BTG4: variants seen among roughly 807,000 people sequenced by gnomAD.
BTG4 encodes protein BTG4.
Under a neutral mutation model 19.3 loss-of-function variants are expected in BTG4, and 10 were observed. The ratio of observed to expected loss-of-function variants is 0.52; its 90% confidence interval spans 0.32 to 0.88. The LOEUF is 0.88. BTG4 is among the 40% of genes least tolerant of loss of function. The pLI is 0.04. For synonymous variants in BTG4, 91 were observed against 95.7 expected (o/e 0.95, Z 0.29); for missense variants, 238 against 281.9 (o/e 0.84, Z 1.11).
At chr11:111,396,995 T>G in the BTG4 span, 11 of 152,316 alleles carry the variant, frequency 7.2e-5, no homozygotes, top group African/African-American at 2.6e-4. Context: ...ATATAAACTC[T>G]GAAGAGAGCT....
chr11:111,419,303 G>A, the BTG4 span, among the ~76,000 whole-genome samples: 1 of 152,176 alleles, frequency 6.6e-6, no homozygotes, highest in Non-Finnish European at 1.5e-5. Flanking sequence ...ATCAGTTCAG[G>A]AACCAAGAAT....
chr11:111,456,442 G>C, the BTG4 span: 338 of 446,270 alleles, frequency 7.6e-4, 1 homozygote, highest in East Asian at 0.011. The surrounding 1 kb of genome is among the most constrained non-coding windows in gnomAD (Gnocchi z 4.2). Context: ...ACCAGCCAAG[G>C]GAGTCCCCGC....
chr11:111,511,086 T>C (rs1361377222), intron 1 of BTG4, among the ~76,000 whole-genome samples: 1 of 152,226 alleles, frequency 6.6e-6, no homozygotes. Context: ...TGAATGTGAG[T>C]CATTTATGTA....
chr11:111,481,597 A>T (rs908387617), intron 5 of BTG4, among the ~76,000 whole-genome samples: 1 of 151,964 alleles, frequency 6.6e-6, no homozygotes, highest in African/African-American at 2.4e-5. Flanking sequence ...AATAAATTTC[A>T]GCAATATATA....
chr11:111,494,730 A>T, downstream of BTG4: 1 of 294,746 alleles, frequency 3.4e-6, no homozygotes, highest in South Asian at 1.3e-4. Flanking sequence ...GTTTGTGACC[A>T]GCCTTTACAA....
At chr11:111,490,260 C>T (rs1383366953), downstream of BTG4, among the ~76,000 whole-genome samples, 7 of 148,422 alleles carry the variant, frequency 4.7e-5, no homozygotes, top group African/African-American at 1.2e-4. Context: ...GCAACGAGAG[C>T]AAAACTCCAT....
At chr11:111,508,124 C>T (rs1164724567) in intron 1 of BTG4, among the ~76,000 whole-genome samples, 1 of 152,180 alleles carries the variant, frequency 6.6e-6, no homozygotes, top group African/African-American at 2.4e-5. Context: ...AATCTTATTC[C>T]GTTTGTTCAC....
chr11:111,511,512 T>G (rs1866910415), intron 1 of BTG4, among the ~76,000 whole-genome samples: 1 of 152,216 alleles, frequency 6.6e-6, no homozygotes, highest in Non-Finnish European at 1.5e-5. Flanking sequence ...AATTTAGAAC[T>G]AAGCCTTTGG....
At chr11:111,386,206 A>G in the BTG4 span, 3 of 152,228 alleles carry the variant, frequency 2.0e-5, no homozygotes, top group African/African-American at 7.2e-5. Flanking sequence ...ACAATTTTAC[A>G]CATAATTTTT....
At chr11:111,391,299 G>C in the BTG4 span, among the ~76,000 whole-genome samples, 3 of 152,166 alleles carry the variant, frequency 2.0e-5, no homozygotes, top group Non-Finnish European at 4.4e-5. Context: ...TCAGAGTCTT[G>C]AGTCTTGAGC....
intron 5 of BTG4, among the ~76,000 whole-genome samples, chr11:111,485,193 C>G (rs1179254855): frequency 6.6e-6 from 1 of 152,062 alleles, no homozygotes; most frequent in Non-Finnish European, 1.5e-5. Flanking sequence ...CAGTATTGGA[C>G]AGATGACCCC....
the BTG4 span, among the ~76,000 whole-genome samples, chr11:111,412,672 T>TC: frequency 6.6e-6 from 1 of 152,116 alleles, no homozygotes; most frequent in Non-Finnish European, 1.5e-5. Flanking sequence ...ACCTTCATTA[T>TC]CCCCACTTTA....
At chr11:111,401,012 T>C in the BTG4 span, 1 of 127,188 alleles carries the variant, frequency 7.9e-6, no homozygotes. Context: ...AGAGAGATAA[T>C]GAATGATTTC....
At chr11:111,391,336 A>G in the BTG4 span, among the ~76,000 whole-genome samples, 13 of 152,108 alleles carry the variant, frequency 8.5e-5, no homozygotes, top group Admixed American at 7.9e-4. Context: ...TGTCGCTCCA[A>G]ATTTTTTGTA....
At chr11:111,400,103 C>A in the BTG4 span, among the ~76,000 whole-genome samples, 3 of 152,042 alleles carry the variant, frequency 2.0e-5, no homozygotes, top group African/African-American at 7.2e-5. Flanking sequence ...GCAAAAGAAC[C>A]CTGAGAAGCA....
chr11:111,438,264 G>A, the BTG4 span, among the ~76,000 whole-genome samples: 2 of 152,166 alleles, frequency 1.3e-5, no homozygotes, highest in South Asian at 4.1e-4. Context: ...ACTCCAATTT[G>A]TGTGGGCCAA....
At chr11:111,400,391 G>A in the BTG4 span, among the ~76,000 whole-genome samples, 2 of 152,154 alleles carry the variant, frequency 1.3e-5, no homozygotes, top group Non-Finnish European at 1.5e-5. Flanking sequence ...TTTAGAACCC[G>A]CCAATGAAAA....
chr11:111,453,560 C>T, the BTG4 span: 1 of 455,688 alleles, frequency 2.2e-6, no homozygotes, highest in South Asian at 1.6e-5. Flanking sequence ...GACTCTGACG[C>T]CCCCAGGGTT....
At chr11:111,439,625 C>T in the BTG4 span, among the ~76,000 whole-genome samples, 5 of 152,088 alleles carry the variant, frequency 3.3e-5, no homozygotes, top group Admixed American at 2.0e-4. Context: ...CCAGCCCCCT[C>T]GTACTTCCCC....
Sources: gnomAD v4.1 joint callset for allele counts (sites outside exome capture counted in the v4.1 genomes callset) on GRCh38, gnomAD v4.1.1 for gene constraint, Gnocchi (gnomAD v3.1) non-coding constraint, MANE v1.5 for transcripts, NCBI Gene and HGNC (gene_info 2026-07-23, HGNC 2026-07-21) for gene names.